Variants in MAP1B observed in about 807,000 individuals in gnomAD.
MAP1B encodes microtubule-associated protein 1B.
In MAP1B, 12 loss-of-function variants were observed where a neutral mutation model predicts 176.1. That is an observed-to-expected ratio of 0.07 (90% CI 0.04 to 0.11). The LOEUF (loss-of-function observed/expected upper bound fraction) is 0.11, where lower values mean the gene tolerates loss of function less well. Among genes scored for constraint, MAP1B ranks in the 10% least tolerant of loss-of-function variants. The pLI is 1.00. For missense variants in MAP1B, 2,523 were observed against 2,990.5 expected (o/e 0.84, Z 3.65); for synonymous variants, 1,044 against 1,135.0 (o/e 0.92, Z 1.61).
chr5:72,135,625 A>T lies in MAP1B; in HGVS notation c.286+19826A>T, dbSNP rs556745577. 6.2e-4 allele frequency among the ~76,000 whole-genome samples: 95 copies of T among 152,234 alleles called. 1 individual carries two copies. The highest frequency in any genetic ancestry group is 6.0e-3 in the Admixed American group (92 of 15,292). On this transcript the variant is annotated intron_variant, in intron 2 of 6. Transcript: ENST00000296755. ...GAATTTTTCTTGGGAGTTTTTAGAA[A>T]CCCTTACAATAGTTCTCAGTTCTCC... is the stretch of plus-strand genomic sequence containing the variant.
At position 72,195,791 on chromosome 5, in the gene MAP1B, T is replaced by C; in HGVS notation, c.2436T>C (p.Ala812=). ...GATTAAVMAA[A]GIAAIGPAKE... is the part of the protein sequence containing the mutation. The stretch of plus-strand genomic sequence containing the variant: ...CCACAGCAGCTGTCATGGCGGCAGC[T>C]GGAATAGCAGCCATTGGCCCTGCCA... The change falls in exon 5 of 7, where the codon GCT becomes GCC. Residue 812 remains alanine, a synonymous_variant. Transcript: ENST00000296755. The C allele has an allele frequency of 6.2e-7, 1 of 1,614,138 alleles. No homozygotes were observed. Among genetic ancestry groups the C allele is most frequent in the Non-Finnish European group, 8.5e-7 (1 of 1,179,988 alleles).
intron 2 of MAP1B, among the ~76,000 whole-genome samples, chr5:72,127,880 T>C (rs1237811236): frequency 1.3e-5 from 2 of 152,246 alleles, no homozygotes; most frequent in Non-Finnish European, 2.9e-5. Flanking sequence ...AGAATTAACT[T>C]AGAATTTCCT....
intron 2 of MAP1B, among the ~76,000 whole-genome samples, chr5:72,160,201 G>A (rs1746302297): frequency 1.5e-5 from 2 of 136,964 alleles, no homozygotes; most frequent in Non-Finnish European, 3.1e-5. Flanking sequence ...GCAGTTTTCA[G>A]CTGTATGTTG....
chr5:72,139,823 G>T (rs1366871263), intron 2 of MAP1B, among the ~76,000 whole-genome samples: 2 of 152,208 alleles, frequency 1.3e-5, no homozygotes, highest in East Asian at 3.9e-4. Flanking sequence ...TGGTAGAGAT[G>T]GTTTTAAAAT....
chr5:72,123,820 G>T (rs1406860787), intron 2 of MAP1B, among the ~76,000 whole-genome samples: 2 of 152,096 alleles, frequency 1.3e-5, no homozygotes, highest in Admixed American at 6.6e-5. Flanking sequence ...TTGTAGAGAA[G>T]GAGTCTCACT....
Position 72,107,708 on chromosome 5 carries a change from C to G in MAP1B, c.177C>G (p.Ile59Met). 1 of 1,599,296 alleles carries G rather than the reference C, an allele frequency of 6.3e-7. No homozygotes were observed. The highest frequency in any genetic ancestry group is 8.5e-7 in the Non-Finnish European group (1 of 1,179,550). ...EEHLRRAIGN[I>M]ELGIRSWDTN... is the part of the protein sequence containing the mutation. The stretch of plus-strand genomic sequence containing the variant: ...ACCTGCGGCGTGCCATCGGCAACAT[C>G]GAGCTCGGTAAGTGGCCCCGCGCCC... The change falls in exon 1 of 7, where the codon ATC becomes ATG. Residue 59 changes from isoleucine (I) to methionine (M), a missense_variant. By Grantham distance (10) the Ile-to-Met change is conservative (BLOSUM62 1). This residue lies in a region of MAP1B where 307 missense variants were observed against 438.4 expected (regional missense o/e 0.70). Transcript: ENST00000296755.
intron 4 of MAP1B, among the ~76,000 whole-genome samples, chr5:72,192,734 G>A (rs766139987): frequency 5.3e-5 from 8 of 152,180 alleles, no homozygotes; most frequent in African/African-American, 7.2e-5. Flanking sequence ...CTTTTCAGTC[G>A]AAACTCTGAG....
chr5:72,133,247 C>G (rs1278618340), intron 2 of MAP1B, among the ~76,000 whole-genome samples: 1 of 152,220 alleles, frequency 6.6e-6, no homozygotes, highest in Non-Finnish European at 1.5e-5. Context: ...CTGCCTCTGC[C>G]TGTACTTACA....
chr5:72,204,455 T>G lies in MAP1B; in HGVS notation c.7252-629T>G, dbSNP rs1383495508. On this transcript the variant is annotated intron_variant, in intron 6 of 6. Coordinates refer to ENST00000296755, the MANE Select transcript of MAP1B (RefSeq NM_005909.5). This position sits in a 1 kb window ranked among gnomAD's most constrained non-coding sequence, Gnocchi z 4.4. The stretch of plus-strand genomic sequence containing the variant: ...TTTGCTTATCAAGTTTTATTTGTGG[T>G]TCTGTACAAAATTACCTAGTAAATT... Among the ~76,000 whole-genome samples, 1 of 152,216 alleles carries G rather than the reference T, an allele frequency of 6.6e-6. No individual in the cohort carries two copies. The highest frequency in any genetic ancestry group is 6.5e-5 in the Admixed American group (1 of 15,280).
At chr5:72,205,057 A>G in intron 6 of MAP1B, 27 bp from the exon 7 acceptor site, 1 of 1,588,066 alleles carries the variant, frequency 6.3e-7, no homozygotes, top group South Asian at 1.2e-5. Flanking sequence ...GCCCTTAAAT[A>G]GCTATTTTTT....
intron 2 of MAP1B, among the ~76,000 whole-genome samples, chr5:72,174,284 C>A (rs542448286): frequency 6.6e-6 from 1 of 152,116 alleles, no homozygotes; most frequent in Non-Finnish European, 1.5e-5. Flanking sequence ...AAACATTGAC[C>A]TTTGTGATAT....
intron 2 of MAP1B, among the ~76,000 whole-genome samples, chr5:72,119,206 G>A (rs1289578795): frequency 6.6e-6 from 1 of 152,112 alleles, no homozygotes; most frequent in Non-Finnish European, 1.5e-5. Context: ...TCCAACTCTG[G>A]CATACTGTAA....
intron 4 of MAP1B, among the ~76,000 whole-genome samples, chr5:72,193,093 T>C (rs1241164879): frequency 6.6e-6 from 1 of 152,230 alleles, no homozygotes; most frequent in Non-Finnish European, 1.5e-5. Flanking sequence ...CAAACCACTT[T>C]AATGTCATGG....
chr5:72,145,212 C>T (rs1746022773), intron 2 of MAP1B, among the ~76,000 whole-genome samples: 1 of 152,182 alleles, frequency 6.6e-6, no homozygotes, highest in Non-Finnish European at 1.5e-5. Flanking sequence ...CTCACCAACA[C>T]AGTATGAAAT....
chr5:72,184,930 G>T (rs972884969), intron 3 of MAP1B, among the ~76,000 whole-genome samples: 2 of 152,072 alleles, frequency 1.3e-5, no homozygotes, highest in South Asian at 4.1e-4. Context: ...TCTAGAATAC[G>T]TCTATCACGC....
At chr5:72,180,762 G>A (rs890680541) in intron 2 of MAP1B, among the ~76,000 whole-genome samples, 2 of 152,048 alleles carry the variant, frequency 1.3e-5, no homozygotes, top group African/African-American at 2.4e-5. Flanking sequence ...TTCTGCCACC[G>A]TTGCCTTTTT....
Position 72,208,233 on chromosome 5 carries a change from A to G in MAP1B, c.*2994A>G, listed in dbSNP as rs1216217965. On this transcript the variant is annotated 3_prime_UTR_variant, in exon 7 of 7. Coordinates refer to ENST00000296755, the MANE Select transcript of MAP1B (RefSeq NM_005909.5). ...GATTAGTTTAGTAACAGCCATCACAATGTACCATGTACATTCATGGTGAGA... is the reference window on the plus strand; with the variant it reads ...GATTAGTTTAGTAACAGCCATCACAGTGTACCATGTACATTCATGGTGAGA... 6.6e-6 allele frequency: 1 copy of G among 152,144 alleles called. No individual in the cohort carries two copies. Among genetic ancestry groups the G allele is most frequent in the East Asian group, 1.9e-4 (1 of 5,196 alleles). 9.4% of individuals were successfully genotyped at this position (152,144 alleles called of 1,614,324 possible). A position where few individuals can be genotyped will look rare whatever the true frequency, so the allele number is the denominator to read the frequency against.
At chr5:72,118,495 T>C (rs1745470622) in intron 2 of MAP1B, among the ~76,000 whole-genome samples, 1 of 152,198 alleles carries the variant, frequency 6.6e-6, no homozygotes, top group African/African-American at 2.4e-5. Flanking sequence ...ATACAGTCAT[T>C]ACCTTTATTA....
At chr5:72,152,888 C>T (rs1746167535) in intron 2 of MAP1B, among the ~76,000 whole-genome samples, 1 of 152,082 alleles carries the variant, frequency 6.6e-6, no homozygotes, top group African/African-American at 2.4e-5. Flanking sequence ...TGCTCTCATG[C>T]TCGCTGGGCC....
Sources: gnomAD v4.1 joint callset for allele counts (sites outside exome capture counted in the v4.1 genomes callset) on GRCh38, gnomAD v4.1.1 for gene constraint, gnomAD v4.1.1 regional missense constraint, Gnocchi (gnomAD v3.1) non-coding constraint, MANE v1.5 for transcripts, NCBI Gene and HGNC (gene_info 2026-07-23, HGNC 2026-07-21) for gene names.